CNOT6: variants seen among roughly 807,000 people sequenced by gnomAD.
CNOT6 encodes carbon catabolite repression 4 protein.
In CNOT6, 12 loss-of-function variants were observed where a neutral mutation model predicts 61.2. The ratio of observed to expected loss-of-function variants is 0.20; its 90% CI spans 0.13 to 0.32. The LOEUF (loss-of-function observed/expected upper bound fraction) is 0.32, where lower values mean the gene tolerates loss of function less well. CNOT6 is among the 10% of genes least tolerant of loss of function. The probability of loss-of-function intolerance (pLI) is 1.00; values close to 1 mark genes in which losing one functional copy is unlikely to be tolerated. For missense variants in CNOT6, 405 were observed against 663.9 expected (o/e 0.61, Z 4.28); for synonymous variants, 225 against 240.6 (o/e 0.94, Z 0.60).
At chr5:180,526,296 T>C (rs561763004) in intron 1 of CNOT6, among the ~76,000 whole-genome samples, 24 of 152,284 alleles carry the variant, frequency 1.6e-4, no homozygotes, top group Middle Eastern at 3.4e-3. Flanking sequence ...ATAGCACATA[T>C]ATGTGTGCTG....
intron 2 of CNOT6, among the ~76,000 whole-genome samples, chr5:180,541,116 TTTC>T (rs1759006288): frequency 6.6e-6 from 1 of 151,986 alleles, no homozygotes; most frequent in African/African-American, 2.4e-5. Context: ...CTTTATTTTC[TTTC>T]TTCTTTTTAA....
At chr5:180,565,080 A>T (rs560718834) in intron 6 of CNOT6, among the ~76,000 whole-genome samples, 1 of 152,374 alleles carries the variant, frequency 6.6e-6, no homozygotes, top group East Asian at 1.9e-4. Context: ...TCAGCATTCT[A>T]TAGTACACGG....
chr5:180,552,669 T>C (rs1422991456), intron 3 of CNOT6, among the ~76,000 whole-genome samples: 1 of 149,930 alleles, frequency 6.7e-6, no homozygotes, highest in Non-Finnish European at 1.5e-5. Context: ...AATTGAAAAA[T>C]AAAACTGCAT....
chr5:180,537,411 C>T (rs1758754907), intron 2 of CNOT6, among the ~76,000 whole-genome samples: 1 of 152,022 alleles, frequency 6.6e-6, no homozygotes, highest in African/African-American at 2.4e-5. Context: ...GCTTTTTTGC[C>T]ATGGGTATAT....
At position 180,550,088 on chromosome 5, in the gene CNOT6, C is replaced by G; in HGVS notation, c.270C>G (p.Pro90=). 6.2e-7 allele frequency: 1 copy of G among 1,613,832 alleles called. No homozygotes were observed. The highest frequency in any genetic ancestry group is 8.5e-7 in the Non-Finnish European group (1 of 1,179,872). Residue 90 remains proline, a synonymous_variant, in exon 3 of 12, where the codon CCC becomes CCG. Coordinates refer to ENST00000261951, the MANE Select transcript of CNOT6 (RefSeq NM_001370472.1). ...CATCTAATAAAATTCGTAGCTTACC[C>G]GCAGAACTCGGAAACATGGTATCAC... ...DLSSNKIRSL[P]AELGNMVSLR...
At chr5:180,535,741 A>G (rs1581516977) in intron 2 of CNOT6, among the ~76,000 whole-genome samples, 1 of 152,218 alleles carries the variant, frequency 6.6e-6, no homozygotes, top group Non-Finnish European at 1.5e-5. Flanking sequence ...ACTGATTTCC[A>G]TACAAGTTGT....
chr5:180,506,688 C>A (rs559928959), intron 1 of CNOT6, among the ~76,000 whole-genome samples: 2 of 152,262 alleles, frequency 1.3e-5, no homozygotes, highest in East Asian at 3.9e-4. Flanking sequence ...ATTTTTAGTT[C>A]TCTTGGATAT....
chr5:180,555,380 T>C (rs1288897552), intron 4 of CNOT6, among the ~76,000 whole-genome samples: 2 of 152,230 alleles, frequency 1.3e-5, no homozygotes, highest in African/African-American at 2.4e-5. Context: ...GGCAGTTCTT[T>C]ATGACTCCTT....
intron 11 of CNOT6, among the ~76,000 whole-genome samples, chr5:180,573,472 C>G (rs1760854668): frequency 6.6e-6 from 1 of 151,302 alleles, no homozygotes; most frequent in Admixed American, 6.6e-5. Context: ...AGCAGTTGAA[C>G]CTGACATTGA....
chr5:180,547,722 C>T (rs1264727383), intron 2 of CNOT6, among the ~76,000 whole-genome samples: 25 of 151,994 alleles, frequency 1.6e-4, no homozygotes, highest in Admixed American at 1.6e-3. Context: ...CGTTTGAGTT[C>T]ATGGAGTTGT....
intron 1 of CNOT6, among the ~76,000 whole-genome samples, chr5:180,525,136 C>T (rs1387602064): frequency 3.3e-5 from 5 of 152,110 alleles, no homozygotes; most frequent in African/African-American, 4.8e-5. Context: ...AAGAAACTAA[C>T]GTATAAGACC....
chr5:180,558,962 T>G (rs34327222), intron 4 of CNOT6, among the ~76,000 whole-genome samples: 10 of 152,044 alleles, frequency 6.6e-5, no homozygotes, highest in Non-Finnish European at 1.3e-4. Context: ...TTAATATGAT[T>G]TCAGTGTGGT....
chr5:180,495,904 CTTTA>C (rs1303149175), intron 1 of CNOT6: 3 of 152,022 alleles, frequency 2.0e-5, no homozygotes, highest in South Asian at 2.1e-4. Flanking sequence ...TTATCACAGT[CTTTA>C]TTTAATTTAT....
intron 4 of CNOT6, among the ~76,000 whole-genome samples, chr5:180,558,177 A>G (rs1468257954): frequency 6.6e-6 from 1 of 152,184 alleles, no homozygotes; most frequent in Admixed American, 6.5e-5. Flanking sequence ...AACACACTCC[A>G]GGCTACTGGG....
Position 180,569,326 on chromosome 5 carries a change from C to G in CNOT6, c.1244C>G (p.Ser415Cys). 2 of 1,599,734 alleles carry G rather than the reference C, an allele frequency of 1.3e-6. No homozygotes were observed. Among genetic ancestry groups the G allele is most frequent in the Non-Finnish European group, 1.7e-6 (2 of 1,167,910 alleles). ...CTTGTGTTATGTGCAGATCTTAATT[C>G]TTTGCCAGACTCTGGTAAGAAAATA... is the stretch of plus-strand genomic sequence containing the variant. ...IPLVLCADLN[S>C]LPDSGVVEYL... Residue 415 changes from serine to cysteine, a missense_variant, in exon 10 of 12, where the codon TCT (serine) becomes TGT (cysteine). Ser to Cys is a moderately radical substitution (Grantham distance 112, BLOSUM62 -1). Transcript: ENST00000261951.
chr5:180,500,933 G>A (rs1756842750), intron 1 of CNOT6, among the ~76,000 whole-genome samples: 1 of 152,112 alleles, frequency 6.6e-6, no homozygotes, highest in South Asian at 2.1e-4. Flanking sequence ...TTAAAGGATG[G>A]ATAGGGATTT....
At chr5:180,546,279 T>A (rs1561652828) in intron 2 of CNOT6, among the ~76,000 whole-genome samples, 1 of 152,242 alleles carries the variant, frequency 6.6e-6, no homozygotes, top group African/African-American at 2.4e-5. Flanking sequence ...TCATTTATTC[T>A]TTGTTCTATT....
At chr5:180,543,681 A>G (rs562431460) in intron 2 of CNOT6, among the ~76,000 whole-genome samples, 3 of 152,368 alleles carry the variant, frequency 2.0e-5, no homozygotes, top group East Asian at 1.9e-4. Flanking sequence ...ATTGGCTTCA[A>G]AATAGTTGCA....
chr5:180,496,626 C>A (rs889212083), intron 1 of CNOT6, among the ~76,000 whole-genome samples: 2 of 152,032 alleles, frequency 1.3e-5, no homozygotes, highest in African/African-American at 4.8e-5. Context: ...GGCTTGAGCC[C>A]AGGTGTTTGA....
Sources: gnomAD v4.1 joint callset for allele counts (sites outside exome capture counted in the v4.1 genomes callset) on GRCh38, gnomAD v4.1.1 for gene constraint, MANE v1.5 for transcripts, NCBI Gene and HGNC (gene_info 2026-07-23, HGNC 2026-07-21) for gene names.